GYPB: variants seen among roughly 807,000 people sequenced by gnomAD.
GYPB encodes the protein glycophorin B (MNS blood group), also known as glycophorin-B.
In GYPB, 13 loss-of-function variants were observed where a neutral mutation model predicts 15.3. That is an observed-to-expected ratio of 0.85 (90% CI 0.55 to 1.35). GYPB has a LOEUF of 1.35. Among genes scored for constraint, GYPB ranks in the 40% most tolerant of loss-of-function variants. The pLI is 0.00. For synonymous variants in GYPB, 38 were observed against 36.9 expected, an observed-to-expected ratio of 1.03 and a Z score of -0.11; for missense variants, 131 against 108.3, an observed-to-expected ratio of 1.21 and a Z score of -0.93.
At chr4:144,014,883 C>T (rs1728411482) in intron 1 of GYPB, among the ~76,000 whole-genome samples, 1 of 151,432 alleles carries the variant, frequency 6.6e-6, no homozygotes, top group Non-Finnish European at 1.5e-5. Context: ...TATTATTATT[C>T]AGAACCTGCC....
At chr4:144,000,387 TTTC>T in intron 2 of GYPB, 2 of 1,007,366 alleles carry the variant, frequency 2.0e-6, no homozygotes, top group South Asian at 1.7e-5. Flanking sequence ...ACATAACGTT[TTTC>T]TTTTCTGGAG....
rs546303750 is a variant in GYPB, at chr4:143,996,861, CAT to C, written c.271-559_271-558del. ...GAAATTTGTAAAATCTGTTTCAGAA[CAT>C]GTGAGAATTAAGAAAGGCAAAAGTT... On this transcript the variant is annotated intron_variant, in intron 4 of 4. Coordinates refer to ENST00000502664, the MANE Select transcript of GYPB (RefSeq NM_002100.6). Among the ~76,000 whole-genome samples the C allele has an allele frequency of 5.2e-3, 756 of 145,272 alleles. 47 individuals carry two copies. The highest frequency in any genetic ancestry group is 0.019 in the African/African-American group (727 of 37,400).
chr4:143,997,140 C>G (rs563091894), intron 4 of GYPB, among the ~76,000 whole-genome samples: 2 of 151,286 alleles, frequency 1.3e-5, no homozygotes, highest in South Asian at 4.1e-4. Context: ...CTGCTGAGCT[C>G]AAGCAATCCT....
Position 144,009,920 on chromosome 4 carries a change from A to G in GYPB, c.38-8637T>C, listed in dbSNP as rs1378147909. On this transcript the variant is annotated intron_variant, in intron 1 of 4. Transcript: ENST00000502664. ...GGACCACTGTACCCGGCCTATTTTG[A>G]TTTTTTTAAGCACTTAAAAAAGTAA... Among the ~76,000 whole-genome samples the G allele has an allele frequency of 2.4e-4, 35 of 146,888 alleles. 3 individuals are homozygous for G. Among genetic ancestry groups the G allele is most frequent in the African/African-American group, 8.1e-4 (32 of 39,708 alleles).
At chr4:144,011,295 G>C (rs989226426) in intron 1 of GYPB, among the ~76,000 whole-genome samples, 1 of 151,332 alleles carries the variant, frequency 6.6e-6, no homozygotes, top group Non-Finnish European at 1.5e-5. Flanking sequence ...CAGGAGAATT[G>C]CTTGAACCCG....
intron 2 of GYPB, chr4:144,000,311 G>GTT (rs2149957258): frequency 3.4e-6 from 1 of 298,058 alleles, no homozygotes; most frequent in South Asian, 4.4e-5. Flanking sequence ...ACTGTCATGA[G>GTT]TTACAGCTCG....
chr4:143,998,483 A>G (rs1422956069), intron 3 of GYPB, among the ~76,000 whole-genome samples: 1 of 149,908 alleles, frequency 6.7e-6, no homozygotes, highest in African/African-American at 2.5e-5. Context: ...CTTAGCTTGA[A>G]TGTATGCGAT....
rs1046964090 is a variant in GYPB, at chr4:144,011,561, C to T, written c.37+7690G>A. Among the ~76,000 whole-genome samples the T allele has an allele frequency of 4.0e-5, 6 of 150,858 alleles. 1 individual carries two copies. The highest frequency in any genetic ancestry group is 7.5e-5 in the African/African-American group (3 of 40,264). ...CCATTATAGCCCAATAATATAGCAA[C>T]GAGAAACATAAAGCAGAATAAGAAA... On this transcript the variant is annotated intron_variant, in intron 1 of 4. Transcript: ENST00000502664.
chr4:144,014,774 T>C (rs115451609), intron 1 of GYPB, among the ~76,000 whole-genome samples: 1,877 of 151,542 alleles, frequency 0.012, 141 homozygotes, highest in African/African-American at 0.044. Context: ...AAATGGTAAA[T>C]TTATATTACG....
intron 1 of GYPB, among the ~76,000 whole-genome samples, chr4:144,011,997 A>T (rs1474449890): frequency 6.6e-6 from 1 of 152,164 alleles, no homozygotes; most frequent in Admixed American, 6.5e-5. Context: ...GGTTTTTAAA[A>T]ATATAATGAT....
intron 3 of GYPB, chr4:143,999,165 C>T (rs1403218156): frequency 2.9e-6 from 1 of 350,336 alleles, no homozygotes; most frequent in East Asian, 7.0e-5. Context: ...GGCTTGGCCT[C>T]CCAAAATTAT....
chr4:144,014,682 G>A (rs1310125050), intron 1 of GYPB, among the ~76,000 whole-genome samples: 1 of 151,402 alleles, frequency 6.6e-6, no homozygotes, highest in Non-Finnish European at 1.5e-5. Context: ...TGATGAAAAT[G>A]TTCTGGAACT....
intron 2 of GYPB, 142 bp from the exon 3 acceptor site, chr4:143,999,591 A>G: frequency 3.3e-6 from 2 of 598,788 alleles, no homozygotes; most frequent in Non-Finnish European, 6.0e-6. Context: ...ACATCTAGCT[A>G]GTAACATTTA....
rs184943613 is a variant in GYPB, at chr4:144,015,833, G to A, written c.37+3418C>T. ...TTATTGGGGTTTACAGATGAAAAAT[G>A]ATTGTAGATACCATCTACTCGGTGC... On this transcript the variant is annotated intron_variant, in intron 1 of 4. Coordinates refer to ENST00000502664, the MANE Select transcript of GYPB (RefSeq NM_002100.6). Among the ~76,000 whole-genome samples, 64 of 151,266 alleles carry A rather than the reference G, an allele frequency of 4.2e-4. 1 individual carries two copies. Among genetic ancestry groups the A allele is most frequent in the Middle Eastern group, 3.4e-3 (1 of 294 alleles).
chr4:144,008,097 A>T (rs1247560811), intron 1 of GYPB, among the ~76,000 whole-genome samples: 4 of 151,628 alleles, frequency 2.6e-5, no homozygotes, highest in Non-Finnish European at 5.9e-5. Context: ...CTATTGTTAG[A>T]TGTTAATTAT....
intron 1 of GYPB, among the ~76,000 whole-genome samples, chr4:144,005,617 C>T (rs1175972369): frequency 6.6e-6 from 1 of 151,616 alleles, no homozygotes; most frequent in East Asian, 1.9e-4. Context: ...AACCCCTTCA[C>T]ATCTTCTGGC....
At chr4:144,015,814 G>C (rs1728458170) in intron 1 of GYPB, among the ~76,000 whole-genome samples, 1 of 150,946 alleles carries the variant, frequency 6.6e-6, no homozygotes, top group Non-Finnish European at 1.5e-5. Context: ...GGATTTATTG[G>C]GGTTTACAGA....
At position 144,010,611 on chromosome 4, in the gene GYPB, T is replaced by A. The variant is rs941080858; in HGVS notation, c.37+8640A>T. On this transcript the variant is annotated intron_variant, in intron 1 of 4. Transcript: ENST00000502664. ...GCTGTGATTTGTAGTGCACATTAACTATGTCTCAATAATACTTGATTATGT... is the reference window on the plus strand; with the variant it reads ...GCTGTGATTTGTAGTGCACATTAACAATGTCTCAATAATACTTGATTATGT... 7.3e-5 allele frequency among the ~76,000 whole-genome samples: 11 copies of A among 151,558 alleles called. 2 individuals carry two copies. Among genetic ancestry groups the A allele is most frequent in the African/African-American group, 2.7e-4 (11 of 40,850 alleles).
intron 1 of GYPB, among the ~76,000 whole-genome samples, chr4:144,017,435 T>A (rs1320492405): frequency 1.3e-5 from 2 of 151,118 alleles, no homozygotes; most frequent in Non-Finnish European, 2.9e-5. Flanking sequence ...TCCACCTTTC[T>A]GTTATACTAT....
Sources: gnomAD v4.1 joint callset for allele counts (sites outside exome capture counted in the v4.1 genomes callset) on GRCh38, gnomAD v4.1.1 for gene constraint, MANE v1.5 for transcripts, NCBI Gene and HGNC (gene_info 2026-07-23, HGNC 2026-07-21) for gene names.